The following RIMKLB variants were observed in gnomAD, a reference collection of about 807,000 sequenced individuals.
RIMKLB encodes the protein ribosomal modification protein rimK like family member B, also known as beta-citrylglutamate synthase B.
A neutral mutation model predicts 32.0 loss-of-function variants in RIMKLB; 7 were observed. The ratio of observed to expected loss-of-function variants is 0.22; its 90% CI spans 0.12 to 0.41. The LOEUF (loss-of-function observed/expected upper bound fraction) is 0.41, where lower values mean the gene tolerates loss of function less well. Among genes scored for constraint, RIMKLB ranks in the 10% least tolerant of loss-of-function variants. The pLI is 1.00. For synonymous variants in RIMKLB, 172 were observed against 185.1 expected, an observed-to-expected ratio of 0.93 and a Z score of 0.57; for missense variants, 289 against 498.7, an observed-to-expected ratio of 0.58 and a Z score of 4.00.
At chr12:8,779,452 A>G (rs949526367), downstream of RIMKLB, 9 of 152,212 alleles carry the variant, frequency 5.9e-5, no homozygotes. Context: ...CAGTCCTGAC[A>G]TCACCAACTC....
intron 2 of RIMKLB, among the ~76,000 whole-genome samples, chr12:8,732,266 C>T (rs372126008): frequency 2.6e-5 from 4 of 152,040 alleles, no homozygotes; most frequent in African/African-American, 9.7e-5. Flanking sequence ...TTCCTACTTG[C>T]CCTTTGTTTC....
intron 5 of RIMKLB, among the ~76,000 whole-genome samples, chr12:8,759,933 G>A (rs1829366200): frequency 6.6e-6 from 1 of 152,106 alleles, no homozygotes; most frequent in Non-Finnish European, 1.5e-5. Context: ...GTGCCATCTT[G>A]GCATCTTTAT....
chr12:8,700,695 T>C (rs1943312527), intron 1 of RIMKLB: 1 of 152,216 alleles, frequency 6.6e-6, no homozygotes, highest in Admixed American at 6.5e-5. Context: ...GACTTTGTTT[T>C]ATGGCAGATT....
At chr12:8,719,040 C>T (rs1332875597) in intron 2 of RIMKLB, among the ~76,000 whole-genome samples, 1 of 152,076 alleles carries the variant, frequency 6.6e-6, no homozygotes. Context: ...CTTTCTCTTT[C>T]TCCCTCCTGT....
At chr12:8,691,223 T>C (rs1942722182) in intron 1 of RIMKLB, among the ~76,000 whole-genome samples, 1 of 152,132 alleles carries the variant, frequency 6.6e-6, no homozygotes, top group African/African-American at 2.4e-5. Context: ...ACTCCTGGGC[T>C]CAAGCAATCC....
At chr12:8,669,790 G>C in the RIMKLB span, among the ~76,000 whole-genome samples, 6,485 of 152,024 alleles carry the variant, frequency 0.043, 440 homozygotes, top group African/African-American at 0.15. Flanking sequence ...CACTTTGGGA[G>C]GCCGAGGCGG....
intron 1 of RIMKLB, among the ~76,000 whole-genome samples, chr12:8,705,512 T>C (rs1438193905): frequency 6.6e-6 from 1 of 151,396 alleles, no homozygotes; most frequent in East Asian, 1.9e-4. Flanking sequence ...GCCGGTGATA[T>C]TAATATTTAG....
Position 8,775,730 on chromosome 12 carries a change from A to T in RIMKLB, c.*1946A>T. 4.1e-6 allele frequency: 4 copies of T among 984,858 alleles called. No individual in the cohort carries two copies. Among genetic ancestry groups the T allele is most frequent in the Non-Finnish European group, 4.8e-6 (4 of 829,024 alleles). The allele number at this position is 984,858 out of a possible 1,614,324, so 61.0% of individuals were successfully genotyped here. On this transcript the variant is annotated 3_prime_UTR_variant, in exon 6 of 6. Transcript: ENST00000535829. Reference sequence around the variant, plus strand: ...TTAAATAATATTAAAATTGAGTGAAAGGTTGATTGTTGATGAATAGAATAG... The same window carrying T: ...TTAAATAATATTAAAATTGAGTGAATGGTTGATTGTTGATGAATAGAATAG...
In RIMKLB at chr12:8,713,809, A is replaced by G. The variant is rs1373292722; in HGVS notation, c.-56-2A>G. 1 of 1,540,434 alleles carries G rather than the reference A, an allele frequency of 6.5e-7. No individual in the cohort carries two copies. The highest frequency in any genetic ancestry group is 9.0e-7 in the Non-Finnish European group (1 of 1,113,066). On this transcript the variant is annotated splice_acceptor_variant, in intron 1 of 5. Transcript: ENST00000535829. LOFTEE classifies it low-confidence loss of function (5UTR_SPLICE). ...TTTATGTATATTTTTTCTTCCATCT[A>G]GGTAGACGTTACATCCAAGAGGAAA...
Position 8,698,241 on chromosome 12 carries a change from C to A in RIMKLB, c.-113C>A. ...AGCCGCCCGGCGGCCCGCGCTTCCT[C>A]GAAGGCCCCAGCCCGGCTCAGTCGG... is the stretch of plus-strand genomic sequence containing the variant. On this transcript the variant is annotated 5_prime_UTR_variant, in exon 1 of 6. Coordinates refer to ENST00000535829, the MANE Select transcript of RIMKLB (RefSeq NM_001297776.2). 2.7e-6 allele frequency: 1 copy of A among 376,070 alleles called. No individual in the cohort carries two copies. Among genetic ancestry groups the A allele is most frequent in the Non-Finnish European group, 5.4e-6 (1 of 185,020 alleles). 23.3% of individuals were successfully genotyped at this position (376,070 alleles called of 1,614,324 possible). A position where few individuals can be genotyped will look rare whatever the true frequency, so the allele number is the denominator to read the frequency against.
intron 2 of RIMKLB, among the ~76,000 whole-genome samples, chr12:8,727,770 G>T (rs1031196494): frequency 1.3e-5 from 2 of 151,982 alleles, no homozygotes; most frequent in African/African-American, 4.8e-5. Flanking sequence ...ATAGTGGCGG[G>T]CACCTGTAAT....
chr12:8,731,700 G>A (rs755152458), intron 2 of RIMKLB, among the ~76,000 whole-genome samples: 1 of 152,040 alleles, frequency 6.6e-6, no homozygotes, highest in South Asian at 2.1e-4. Flanking sequence ...TTTTATTTTG[G>A]CATCTTATAT....
rs182448250 is a variant in RIMKLB, at chr12:8,699,701, G to A, written c.-57+1404G>A. 3.3e-5 allele frequency: 5 copies of A among 152,244 alleles called. No individual in the cohort carries two copies. The East Asian group carries it at 9.7e-4, about 29-fold the overall frequency. 9.4% of individuals were successfully genotyped at this position (152,244 alleles called of 1,614,324 possible). A position where few individuals can be genotyped will look rare whatever the true frequency, so the allele number is the denominator to read the frequency against. On this transcript the variant is annotated intron_variant, in intron 1 of 5. Coordinates refer to ENST00000535829, the MANE Select transcript of RIMKLB (RefSeq NM_001297776.2). ...CTTCTTTCATGTCATTGATTTAGTTGTTAGTTTGGCAACATGGCTGTTGAT... is the reference window on the plus strand; with the variant it reads ...CTTCTTTCATGTCATTGATTTAGTTATTAGTTTGGCAACATGGCTGTTGAT...
At chr12:8,767,217 CTCTT>C (rs1950043557) in intron 5 of RIMKLB, among the ~76,000 whole-genome samples, 1 of 152,218 alleles carries the variant, frequency 6.6e-6, no homozygotes, top group African/African-American at 2.4e-5. Context: ...TTCTATCTTT[CTCTT>C]TCTCTCTTTG....
At chr12:8,713,220 T>TC (rs1286337289) in intron 1 of RIMKLB, among the ~76,000 whole-genome samples, 2 of 152,154 alleles carry the variant, frequency 1.3e-5, no homozygotes, top group Non-Finnish European at 2.9e-5. Context: ...TTGCTCATTC[T>TC]CCAATTATTT....
chr12:8,704,843 G>C (rs1186697291), intron 1 of RIMKLB, among the ~76,000 whole-genome samples: 1 of 106,216 alleles, frequency 9.4e-6, no homozygotes, highest in African/African-American at 3.8e-5. Context: ...AAATTAGCTG[G>C]GTGTGGTGGT....
chr12:8,741,905 AT>A (rs1174179729), intron 2 of RIMKLB, among the ~76,000 whole-genome samples: 1 of 151,292 alleles, frequency 6.6e-6, no homozygotes, highest in Non-Finnish European at 1.5e-5. Context: ...AAAAGTTTAA[AT>A]TATTAAAAAA....
chr12:8,681,100 A>G (rs769666556), upstream of RIMKLB, among the ~76,000 whole-genome samples: 1 of 151,926 alleles, frequency 6.6e-6, no homozygotes, highest in African/African-American at 2.4e-5. Flanking sequence ...AGCTGGGACT[A>G]TAGGTCCATA....
intron 1 of RIMKLB, chr12:8,699,778 C>A (rs1333972340): frequency 6.6e-6 from 1 of 152,246 alleles, no homozygotes; most frequent in Non-Finnish European, 1.5e-5. Context: ...TCTCTTACCC[C>A]TACCAGGTGC....
Sources: allele counts gnomAD v4.1 joint callset (sites outside exome capture counted in the v4.1 genomes callset), GRCh38; gene constraint gnomAD v4.1.1; transcripts MANE v1.5; gene names NCBI Gene and HGNC (gene_info 2026-07-23, HGNC 2026-07-21).